MARK3: variants seen among roughly 807,000 people sequenced by gnomAD.
MARK3 encodes the protein MAP/microtubule affinity-regulating kinase 3.
A neutral mutation model predicts 90.1 loss-of-function variants in MARK3; 46 were observed. The observed-to-expected ratio is 0.51, with a 90% CI of 0.40 to 0.65. The LOEUF is 0.65. Ranked by LOEUF, MARK3 falls within the 30% of genes least tolerant of loss-of-function variation. MARK3 has a pLI of 0.00. For missense variants in MARK3, 818 were observed against 947.2 expected, an observed-to-expected ratio of 0.86 and a Z score of 1.79; for synonymous variants, 321 against 332.6, an observed-to-expected ratio of 0.97 and a Z score of 0.38.
chr14:103,483,618 A>G (rs1023714501), intron 14 of MARK3, among the ~76,000 whole-genome samples: 2 of 152,362 alleles, frequency 1.3e-5, no homozygotes, highest in African/African-American at 2.4e-5. Flanking sequence ...AATAAAGTTA[A>G]TGACACAGGG....
intron 14 of MARK3, 65 bp from the exon 15 acceptor site, chr14:103,491,712 G>T: frequency 1.3e-6 from 2 of 1,544,134 alleles, no homozygotes. Flanking sequence ...TGTATAAAAG[G>T]TATATTGTGA....
chr14:103,446,474 A>G (rs2092996906), intron 3 of MARK3, among the ~76,000 whole-genome samples: 1 of 152,110 alleles, frequency 6.6e-6, no homozygotes, highest in African/African-American at 2.4e-5. Flanking sequence ...GTGAGCCGAT[A>G]TTGTGCCACT....
chr14:103,401,896 A>G (rs1344309271), intron 1 of MARK3, among the ~76,000 whole-genome samples: 1 of 152,152 alleles, frequency 6.6e-6, no homozygotes, highest in Non-Finnish European at 1.5e-5. Flanking sequence ...GATGATACAA[A>G]CTCAGTAGAA....
At chr14:103,482,921 T>C (rs987291591) in intron 14 of MARK3, among the ~76,000 whole-genome samples, 1 of 152,314 alleles carries the variant, frequency 6.6e-6, no homozygotes, top group African/African-American at 2.4e-5. Flanking sequence ...TCTGAAGGTG[T>C]CGTCTTTCTC....
At position 103,503,318 on chromosome 14, in the gene MARK3, C is replaced by G; in HGVS notation, c.*91C>G. 2.7e-6 allele frequency: 3 copies of G among 1,122,328 alleles called. No individual in the cohort carries two copies. Among genetic ancestry groups the G allele is most frequent in the Non-Finnish European group, 3.8e-6 (3 of 790,644 alleles). 69.5% of individuals were successfully genotyped at this position (1,122,328 alleles called of 1,614,324 possible). On this transcript the variant is annotated 3_prime_UTR_variant, in exon 18 of 18. Coordinates refer to ENST00000429436, the MANE Select transcript of MARK3 (RefSeq NM_001128918.3). ...TAGAATAATATTTAGGCAATAACGT[C>G]TGCATCTTCTAAATCATGAAATTAA...
intron 2 of MARK3, among the ~76,000 whole-genome samples, chr14:103,422,165 G>T (rs533428646): frequency 3.0e-4 from 46 of 152,302 alleles, no homozygotes; most frequent in African/African-American, 1.0e-3. Context: ...TTACTGAAAT[G>T]TAACACAGGT....
At chr14:103,462,839 C>A (rs1190688002) in intron 7 of MARK3, among the ~76,000 whole-genome samples, 1 of 152,176 alleles carries the variant, frequency 6.6e-6, no homozygotes, top group Non-Finnish European at 1.5e-5. Flanking sequence ...AGACCTCTTT[C>A]AAGGTCCTCA....
In MARK3 at chr14:103,491,494, T is replaced by G. The variant is rs1595924591; in HGVS notation, c.1587-283T>G. 38 of 344,014 alleles carry G rather than the reference T, an allele frequency of 1.1e-4. No homozygotes were observed. The East Asian group carries it at 2.2e-3, about 20-fold the overall frequency. 21.3% of individuals were successfully genotyped at this position (344,014 alleles called of 1,614,324 possible). ...TGAGAGGGAAGCAAAGGGGAAAAGT[T>G]TGAGTTAGCTGTTCTCTGTCCTAGA... On this transcript the variant is annotated intron_variant, in intron 14 of 17. Coordinates refer to ENST00000429436, the MANE Select transcript of MARK3 (RefSeq NM_001128918.3).
chr14:103,455,711 G>A (rs927203958), intron 5 of MARK3, among the ~76,000 whole-genome samples: 35 of 137,310 alleles, frequency 2.5e-4, no homozygotes, highest in South Asian at 1.4e-3. Context: ...CTGGGCAACA[G>A]CACAACTCTG....
At chr14:103,411,075 C>G (rs1265050685) in intron 2 of MARK3, among the ~76,000 whole-genome samples, 1 of 152,150 alleles carries the variant, frequency 6.6e-6, no homozygotes, top group East Asian at 1.9e-4. Context: ...GAGATCGAGA[C>G]CATCCTGGAT....
At chr14:103,455,113 GGTTTGT>G (rs1458794620) in intron 5 of MARK3, among the ~76,000 whole-genome samples, 3 of 151,984 alleles carry the variant, frequency 2.0e-5, no homozygotes, top group Non-Finnish European at 4.4e-5. Context: ...TCTCTTAAGA[GGTTTGT>G]ATTGAATTCA....
chr14:103,397,982 A>G (rs1485580678), intron 1 of MARK3, among the ~76,000 whole-genome samples: 6 of 152,174 alleles, frequency 3.9e-5, no homozygotes, highest in Non-Finnish European at 7.3e-5. Flanking sequence ...GTGTTCTTAC[A>G]TAGTTTATTT....
Position 103,405,263 on chromosome 14 carries a change from G to T in MARK3, c.239G>T (p.Arg80Ile). 1 of 1,531,100 alleles carries T rather than the reference G, an allele frequency of 6.5e-7. No individual in the cohort carries two copies. The highest frequency in any genetic ancestry group is 8.8e-7 in the Non-Finnish European group (1 of 1,142,352). The allele number at this position is 1,531,100 out of a possible 1,614,324, so 94.8% of individuals were successfully genotyped here. Reference protein sequence around the residue: ...VKLARHILTGREVAIKIIDKT... With the variant: ...VKLARHILTGIEVAIKIIDKT... ...TTGGCAAGACATATCCTTACAGGCA[G>T]AGAGGTAAATACCAGTTATGCTTAT... The change falls in exon 2 of 18, where the codon AGA (arginine) becomes ATA (isoleucine). Residue 80 changes from arginine to isoleucine, a missense_variant. Physicochemically the swap from Arg to Ile is moderately conservative, Grantham distance 97. Transcript: ENST00000429436.
chr14:103,475,942 C>CA (rs58529423), intron 13 of MARK3, among the ~76,000 whole-genome samples: 8,641 of 125,760 alleles, frequency 0.069, 588 homozygotes, highest in African/African-American at 0.18. Flanking sequence ...GACTCCTTCT[C>CA]AAAAAAAAAA....
chr14:103,442,325 G>A (rs565852701), intron 3 of MARK3, among the ~76,000 whole-genome samples: 2 of 151,278 alleles, frequency 1.3e-5, no homozygotes, highest in South Asian at 2.1e-4. Flanking sequence ...AGCGGACATC[G>A]TGCCACTGCA....
chr14:103,457,274 C>A, intron 6 of MARK3, 62 bp downstream of exon 6: 1 of 1,274,008 alleles, frequency 7.8e-7, no homozygotes, highest in Admixed American at 1.8e-5. Context: ...AACCCTGAAG[C>A]AAACAAGTGT....
chr14:103,488,681 A>AG (rs2093971255), intron 14 of MARK3, among the ~76,000 whole-genome samples: 2 of 151,882 alleles, frequency 1.3e-5, no homozygotes, highest in African/African-American at 2.4e-5. Flanking sequence ...ATAGTGAGAC[A>AG]CCATCTCTAC....
chr14:103,387,203 C>T (rs2089877470), intron 1 of MARK3, among the ~76,000 whole-genome samples: 1 of 152,154 alleles, frequency 6.6e-6, no homozygotes, highest in South Asian at 2.1e-4. Flanking sequence ...GGAGTTAATG[C>T]TTTCATTTTG....
chr14:103,390,850 A>G (rs950641667), intron 1 of MARK3, among the ~76,000 whole-genome samples: 2 of 152,142 alleles, frequency 1.3e-5, no homozygotes, highest in African/African-American at 4.8e-5. Context: ...CTGGGACTAC[A>G]GGCGTGCCCC....
Sources: allele counts gnomAD v4.1 joint callset (sites outside exome capture counted in the v4.1 genomes callset), GRCh38; gene constraint gnomAD v4.1.1; transcripts MANE v1.5; gene names NCBI Gene and HGNC (gene_info 2026-07-23, HGNC 2026-07-21).